Variants in HYDIN observed in about 807,000 individuals in gnomAD.
The protein encoded by HYDIN is axonemal central pair apparatus protein HYDIN.
Under a neutral mutation model 403.9 loss-of-function variants are expected in HYDIN, and 132 were observed. The ratio of observed to expected loss-of-function variants is 0.33; its 90% confidence interval spans 0.28 to 0.38. The LOEUF (loss-of-function observed/expected upper bound fraction) is 0.38, where lower values mean the gene tolerates loss of function less well. Among genes scored for constraint, HYDIN ranks in the 10% least tolerant of loss-of-function variants. The probability of loss-of-function intolerance (pLI) is 1.00; values close to 1 mark genes in which losing one functional copy is unlikely to be tolerated. For missense variants in HYDIN, 2,827 were observed against 5,009.5 expected, an observed-to-expected ratio of 0.56 and a Z score of 13.15; for synonymous variants, 1,202 against 1,891.7, an observed-to-expected ratio of 0.64 and a Z score of 9.46.
At chr16:71,115,339 A>G (rs982069672) in intron 10 of HYDIN, among the ~76,000 whole-genome samples, 1 of 152,178 alleles carries the variant, frequency 6.6e-6, no homozygotes, top group Non-Finnish European at 1.5e-5. Context: ...CCATGATTGT[A>G]AGTTTCCTGA....
chr16:71,181,707 G>C (rs1567418637), intron 3 of HYDIN, among the ~76,000 whole-genome samples: 2 of 152,152 alleles, frequency 1.3e-5, no homozygotes, highest in East Asian at 1.9e-4. Flanking sequence ...TGAGCAGTTA[G>C]GAGAGATTAA....
chr16:70,866,751 T>C (rs1200621828), intron 66 of HYDIN, among the ~76,000 whole-genome samples: 9 of 152,150 alleles, frequency 5.9e-5, no homozygotes, highest in Admixed American at 1.3e-4. Context: ...AGGCCAGGCA[T>C]GGTGGCTCAC....
At chr16:70,984,197 T>C in intron 28 of HYDIN, among the ~76,000 whole-genome samples, 2 of 150,518 alleles carry the variant, frequency 1.3e-5, no homozygotes, top group South Asian at 2.1e-4. Context: ...ACCCTGTCTC[T>C]AAAAAACAAA....
At chr16:70,931,966 C>T (rs1328791317) in intron 45 of HYDIN, among the ~76,000 whole-genome samples, 3 of 135,874 alleles carry the variant, frequency 2.2e-5, no homozygotes, top group Non-Finnish European at 3.1e-5. Context: ...GGCCGAGATC[C>T]CACCACTGCA....
chr16:71,158,127 G>C (rs1360482222), intron 6 of HYDIN, among the ~76,000 whole-genome samples: 1 of 152,248 alleles, frequency 6.6e-6, no homozygotes, highest in Non-Finnish European at 1.5e-5. Context: ...ACACTGAGCA[G>C]CGCAGGGGAA....
At chr16:70,893,835 A>AT (rs1175667184) in intron 55 of HYDIN, 3 of 152,058 alleles carry the variant, frequency 2.0e-5, no homozygotes, top group African/African-American at 4.8e-5. Flanking sequence ...TCTGTGTTTC[A>AT]TTTTTTATCT....
chr16:70,944,154 G>A (rs1475921110), intron 41 of HYDIN, among the ~76,000 whole-genome samples: 3 of 152,226 alleles, frequency 2.0e-5, no homozygotes, highest in African/African-American at 4.8e-5. Flanking sequence ...TGGAAGGTAC[G>A]TTGTTTGTGT....
chr16:71,109,699 G>A lies in HYDIN; in HGVS notation c.1327+5997C>T, dbSNP rs1270488121. Among the ~76,000 whole-genome samples, 6 of 136,694 alleles carry A rather than the reference G, an allele frequency of 4.4e-5. 1 individual carries two copies. The highest frequency in any genetic ancestry group is 1.1e-4 in the African/African-American group (3 of 27,130). 89.7% of individuals were successfully genotyped at this position (136,694 alleles called of 152,430 possible). On this transcript the variant is annotated intron_variant, in intron 10 of 85. Coordinates refer to ENST00000393567, the MANE Select transcript of HYDIN (RefSeq NM_001270974.2). ...CTAACAAAATACAGAAGAATGTCAT[G>A]CAGATGGAAAATTATACTATTCGGC...
intron 21 of HYDIN, among the ~76,000 whole-genome samples, chr16:71,021,981 G>C (rs925654460): frequency 1.3e-5 from 2 of 151,764 alleles, no homozygotes; most frequent in Admixed American, 6.6e-5. Flanking sequence ...TTAGGGATTA[G>C]GTCTGGAGTT....
intron 85 of HYDIN, among the ~76,000 whole-genome samples, chr16:70,808,516 A>G (rs2035248500): frequency 6.6e-6 from 1 of 152,048 alleles, no homozygotes; most frequent in African/African-American, 2.4e-5. Flanking sequence ...TCACCACTCT[A>G]ATACTGTACT....
chr16:70,937,002 C>T (rs931703117), intron 44 of HYDIN, among the ~76,000 whole-genome samples: 9 of 151,376 alleles, frequency 5.9e-5, no homozygotes, highest in Non-Finnish European at 1.3e-4. Context: ...GCACCAAGCA[C>T]AAACAAGTGA....
chr16:70,945,089 A>G (rs2077810278), intron 41 of HYDIN, among the ~76,000 whole-genome samples: 2 of 152,222 alleles, frequency 1.3e-5, no homozygotes, highest in African/African-American at 4.8e-5. Context: ...TACTCGTCAC[A>G]TGAGGTGACA....
At chr16:71,110,899 C>T (rs112102555) in intron 10 of HYDIN, among the ~76,000 whole-genome samples, 2 of 102,934 alleles carry the variant, frequency 1.9e-5, no homozygotes, top group African/African-American at 7.8e-5. Context: ...AGGTTTAAAA[C>T]AAACACAGCA....
chr16:70,996,231 G>C (rs1396161813), intron 23 of HYDIN, among the ~76,000 whole-genome samples: 1 of 152,164 alleles, frequency 6.6e-6, no homozygotes, highest in Non-Finnish European at 1.5e-5. Context: ...TAGTTCTCCT[G>C]AGAGCCCTCC....
intron 3 of HYDIN, among the ~76,000 whole-genome samples, chr16:71,179,373 T>A (rs1240040277): frequency 6.7e-6 from 1 of 150,354 alleles, no homozygotes; most frequent in African/African-American, 2.4e-5. Flanking sequence ...AGGCATAGTA[T>A]TTTTTACCTG....
At chr16:71,050,225 G>A (rs2081591893) in intron 18 of HYDIN, among the ~76,000 whole-genome samples, 1 of 150,298 alleles carries the variant, frequency 6.7e-6, no homozygotes, top group Non-Finnish European at 1.5e-5. Context: ...AGTGAGAAAA[G>A]ACAAGTTACT....
chr16:70,872,666 A>AT (rs2040204543), intron 64 of HYDIN, among the ~76,000 whole-genome samples: 1 of 114,110 alleles, frequency 8.8e-6, no homozygotes, highest in Admixed American at 8.7e-5. Context: ...CCACCCATCC[A>AT]CCATCCACCT....
At chr16:71,043,614 G>A (rs2144205155) in intron 18 of HYDIN, among the ~76,000 whole-genome samples, 1 of 151,718 alleles carries the variant, frequency 6.6e-6, no homozygotes, top group East Asian at 1.9e-4. Flanking sequence ...TTCTGCTCTT[G>A]TTCATGGATA....
intron 44 of HYDIN, among the ~76,000 whole-genome samples, chr16:70,937,470 T>C (rs2077527165): frequency 6.6e-6 from 1 of 151,460 alleles, no homozygotes; most frequent in South Asian, 2.1e-4. Context: ...CTGGCCAACA[T>C]GATGAAAACC....
Sources: allele counts gnomAD v4.1 joint callset (sites outside exome capture counted in the v4.1 genomes callset), GRCh38; gene constraint gnomAD v4.1.1; transcripts MANE v1.5; gene names NCBI Gene and HGNC (gene_info 2026-07-23, HGNC 2026-07-21).